ATXN8OS: variants seen among roughly 807,000 people sequenced by gnomAD.
ATXN8OS encodes the protein ATXN8 opposite strand (non-protein coding).
chr13:70,113,544 C>G (rs1266768690), intron 1 of ATXN8OS, among the ~76,000 whole-genome samples: 1 of 151,728 alleles, frequency 6.6e-6, no homozygotes. Context: ...AAGGTGAGTC[C>G]CCTGAAACTT....
chr13:70,139,358 TAC>T, intron 3 of ATXN8OS: 1 of 570,274 alleles, frequency 1.8e-6, no homozygotes, highest in Non-Finnish European at 2.9e-6. Flanking sequence ...GCTTTACTAC[TAC>T]TACTACTACT....
chr13:70,167,216 T>C (rs1003928915), intron 4 of ATXN8OS, among the ~76,000 whole-genome samples: 4 of 152,122 alleles, frequency 2.6e-5, no homozygotes, highest in South Asian at 2.1e-4. Flanking sequence ...CACATGCACA[T>C]GTATGTTTAT....
intron 2 of ATXN8OS, among the ~76,000 whole-genome samples, chr13:70,124,796 A>G (rs1888405836): frequency 6.6e-6 from 1 of 152,048 alleles, no homozygotes; most frequent in Admixed American, 6.6e-5. Flanking sequence ...TCCTTTGTAC[A>G]CTAATAGTCT....
chr13:70,109,932 A>T (rs1305605483), intron 1 of ATXN8OS, among the ~76,000 whole-genome samples: 2 of 152,198 alleles, frequency 1.3e-5, no homozygotes, highest in African/African-American at 4.8e-5. Context: ...TGATTTATTT[A>T]AAATAATATA....
intron 4 of ATXN8OS, among the ~76,000 whole-genome samples, chr13:70,149,472 G>C (rs902796068): frequency 6.6e-6 from 1 of 152,056 alleles, no homozygotes; most frequent in Non-Finnish European, 1.5e-5. Context: ...TTAATTCATT[G>C]TAAACATAAT....
At chr13:70,139,289 C>A in intron 3 of ATXN8OS, 1 of 517,342 alleles carries the variant, frequency 1.9e-6, no homozygotes, top group Non-Finnish European at 3.4e-6. Context: ...ACTCTGTTGG[C>A]TGAAGCCCTA....
intron 4 of ATXN8OS, among the ~76,000 whole-genome samples, chr13:70,148,882 C>A (rs1196562461): frequency 6.6e-6 from 1 of 152,072 alleles, no homozygotes; most frequent in Non-Finnish European, 1.5e-5. Flanking sequence ...AAGATTACAG[C>A]AGGGTATAGT....
At chr13:70,122,179 G>A (rs906567517) in intron 2 of ATXN8OS, among the ~76,000 whole-genome samples, 1 of 151,894 alleles carries the variant, frequency 6.6e-6, no homozygotes, top group African/African-American at 2.4e-5. Context: ...CAATATAGGA[G>A]TGCAACTGAC....
At chr13:70,129,397 GTGTGTGT>G (rs1208997439) in intron 2 of ATXN8OS, among the ~76,000 whole-genome samples, 2 of 151,830 alleles carry the variant, frequency 1.3e-5, no homozygotes, top group Non-Finnish European at 2.9e-5. Flanking sequence ...GTGTGTGTGT[GTGTGTGT>G]TATGTTTTCA....
chr13:70,141,239 A>G (rs1888710360), intron 3 of ATXN8OS, among the ~76,000 whole-genome samples: 1 of 152,132 alleles, frequency 6.6e-6, no homozygotes, highest in Admixed American at 6.6e-5. Context: ...CGTCATCGAT[A>G]TATTTTACTG....
intron 4 of ATXN8OS, among the ~76,000 whole-genome samples, chr13:70,164,802 T>C (rs1487469306): frequency 6.6e-6 from 1 of 151,996 alleles, no homozygotes; most frequent in African/African-American, 2.4e-5. Flanking sequence ...CTCCTCACTG[T>C]ATTTCTAGAA....
intron 3 of ATXN8OS, among the ~76,000 whole-genome samples, chr13:70,147,220 C>T (rs1888798269): frequency 2.6e-5 from 4 of 152,166 alleles, no homozygotes; most frequent in Non-Finnish European, 5.9e-5. Flanking sequence ...ATATTGTTCA[C>T]TGTTTTAAAA....
At chr13:70,161,396 T>C (rs1235973923) in intron 4 of ATXN8OS, among the ~76,000 whole-genome samples, 1 of 152,154 alleles carries the variant, frequency 6.6e-6, no homozygotes, top group Non-Finnish European at 1.5e-5. Flanking sequence ...GCATCTATTT[T>C]TGTTAGTAGA....
exon 1 of ATXN8OS, chr13:70,107,910 T>A (rs1566583428): frequency 1.6e-5 from 8 of 511,280 alleles, no homozygotes; most frequent in Non-Finnish European, 2.7e-5. Context: ...CGTGGTCGGG[T>A]CCGCAGGACC....
intron 1 of ATXN8OS, chr13:70,108,439 G>A (rs1346806342): frequency 3.3e-5 from 5 of 153,486 alleles, no homozygotes; most frequent in Non-Finnish European, 7.2e-5. Context: ...AAGCTGTCAA[G>A]GTCCTCACAG....
chr13:70,118,396 A>G (rs1266582633), intron 2 of ATXN8OS, among the ~76,000 whole-genome samples: 2 of 152,102 alleles, frequency 1.3e-5, no homozygotes, highest in Non-Finnish European at 2.9e-5. Context: ...TGAACTGGGT[A>G]TATGGAATTT....
At chr13:70,138,106 G>A (rs9564657) in intron 3 of ATXN8OS, among the ~76,000 whole-genome samples, 12,552 of 152,192 alleles carry the variant, frequency 0.082, 586 homozygotes, top group Middle Eastern at 0.19. Context: ...CTCCAACATT[G>A]GGGCTTACAA....
At chr13:70,120,571 A>G (rs1376743098) in intron 2 of ATXN8OS, among the ~76,000 whole-genome samples, 2 of 152,184 alleles carry the variant, frequency 1.3e-5, no homozygotes, top group African/African-American at 2.4e-5. Flanking sequence ...TCCACTATCC[A>G]TACAGAGCTT....
intron 3 of ATXN8OS, among the ~76,000 whole-genome samples, chr13:70,146,657 C>T (rs1351887455): frequency 6.6e-6 from 1 of 150,402 alleles, no homozygotes; most frequent in Non-Finnish European, 1.5e-5. Context: ...AGCAAACTAT[C>T]ACAAGGACAA....
Sources: allele counts gnomAD v4.1 joint callset (sites outside exome capture counted in the v4.1 genomes callset), GRCh38; gene constraint gnomAD v4.1.1; transcripts MANE v1.5; gene names NCBI Gene and HGNC (gene_info 2026-07-23, HGNC 2026-07-21).